Variants in SQOR observed in about 807,000 individuals in gnomAD.
SQOR encodes sulfide quinone oxidoreductase.
A neutral mutation model predicts 48.6 loss-of-function variants in SQOR; 39 were observed. The observed-to-expected ratio is 0.80, with a 90% CI of 0.62 to 1.05. The LOEUF is 1.05. Ranked by LOEUF, SQOR falls within the 50% of genes least tolerant of loss-of-function variation. The probability of loss-of-function intolerance (pLI) is 0.00; values close to 1 mark genes in which losing one functional copy is unlikely to be tolerated. For missense variants in SQOR, 561 were observed against 559.9 expected (o/e 1.00, Z -0.02); for synonymous variants, 220 against 206.2 (o/e 1.07, Z -0.57).
At position 45,691,037 on chromosome 15, in the gene SQOR, C is replaced by T; in HGVS notation, c.*7C>T. The T allele has an allele frequency of 1.2e-6, 2 of 1,613,704 alleles. No individual in the cohort carries two copies. Among genetic ancestry groups the T allele is most frequent in the Non-Finnish European group, 8.5e-7 (1 of 1,179,602 alleles). The stretch of plus-strand genomic sequence containing the variant: ...TCATCTAGGTATGAGTTAAGGATGG[C>T]TCAGCACTTGCTCATCTTGGATGGC... On this transcript the variant is annotated 3_prime_UTR_variant, in exon 10 of 10. Coordinates refer to ENST00000260324, the MANE Select transcript of SQOR (RefSeq NM_021199.4).
chr15:45,664,544 A>T (rs1263325927), intron 3 of SQOR, among the ~76,000 whole-genome samples: 1 of 151,990 alleles, frequency 6.6e-6, no homozygotes, highest in Non-Finnish European at 1.5e-5. Flanking sequence ...TTAGTGCCCC[A>T]TGAAAGAGGT....
chr15:45,652,058 G>A (rs1205945233), intron 1 of SQOR, among the ~76,000 whole-genome samples: 2 of 151,642 alleles, frequency 1.3e-5, no homozygotes, highest in Non-Finnish European at 2.9e-5. Flanking sequence ...ATTTTTAGTA[G>A]ACAGGGGGTT....
At chr15:45,683,010 G>C (rs1014722823) in intron 7 of SQOR, among the ~76,000 whole-genome samples, 16 of 138,128 alleles carry the variant, frequency 1.2e-4, no homozygotes, top group Non-Finnish European at 2.3e-4. Context: ...CTGGGTGACA[G>C]AGCAAGGCTT....
At chr15:45,690,586 C>T (rs986175627) in intron 9 of SQOR, among the ~76,000 whole-genome samples, 3 of 152,160 alleles carry the variant, frequency 2.0e-5, no homozygotes, top group Admixed American at 6.6e-5. Flanking sequence ...TACTGCTAAA[C>T]GTCCTATAAT....
intron 1 of SQOR, among the ~76,000 whole-genome samples, chr15:45,639,351 T>A (rs1299962652): frequency 6.6e-6 from 1 of 152,258 alleles, no homozygotes; most frequent in African/African-American, 2.4e-5. Flanking sequence ...TTTGTAAATG[T>A]ATGGTGGGTG....
intron 1 of SQOR, among the ~76,000 whole-genome samples, chr15:45,642,057 T>C (rs1354455634): frequency 6.6e-6 from 1 of 152,234 alleles, no homozygotes; most frequent in Non-Finnish European, 1.5e-5. Context: ...CATCACTGGC[T>C]GTGCAGTGCC....
intron 1 of SQOR, among the ~76,000 whole-genome samples, chr15:45,658,587 C>T (rs759421468): frequency 5.9e-5 from 9 of 152,158 alleles, no homozygotes; most frequent in Non-Finnish European, 8.8e-5. Flanking sequence ...TGCCCTAGAT[C>T]TTACGGATGG....
chr15:45,686,372 G>C (rs1316775098), intron 7 of SQOR, among the ~76,000 whole-genome samples: 1 of 151,930 alleles, frequency 6.6e-6, no homozygotes, highest in Non-Finnish European at 1.5e-5. Context: ...GGCTGTTCTT[G>C]AACTCCTGAA....
chr15:45,652,957 T>G (rs1487849903), intron 1 of SQOR, among the ~76,000 whole-genome samples: 1 of 150,464 alleles, frequency 6.6e-6, no homozygotes, highest in Non-Finnish European at 1.5e-5. Context: ...AGATTCCGCC[T>G]CAAAAAAAAA....
chr15:45,651,303 G>A (rs1008982693), intron 1 of SQOR, among the ~76,000 whole-genome samples: 5 of 152,202 alleles, frequency 3.3e-5, no homozygotes, highest in South Asian at 2.1e-4. Flanking sequence ...CTCCAAGTGC[G>A]GGGCCTGCTG....
chr15:45,649,933 C>T (rs1308941752), intron 1 of SQOR, among the ~76,000 whole-genome samples: 2 of 152,036 alleles, frequency 1.3e-5, no homozygotes, highest in Non-Finnish European at 2.9e-5. Flanking sequence ...ACCTCTGCCT[C>T]CCGGGTTCAA....
intron 4 of SQOR, among the ~76,000 whole-genome samples, chr15:45,670,856 G>T (rs920741656): frequency 6.6e-6 from 1 of 152,138 alleles, no homozygotes; most frequent in African/African-American, 2.4e-5. Context: ...GCCATGGGTC[G>T]TGAGTCTGTT....
At chr15:45,647,523 C>T (rs1483179273) in intron 1 of SQOR, among the ~76,000 whole-genome samples, 5 of 151,774 alleles carry the variant, frequency 3.3e-5, no homozygotes, top group African/African-American at 7.2e-5. Context: ...GATGGGGTTT[C>T]GCCCTGTTGC....
At chr15:45,644,067 C>A (rs961434946) in intron 1 of SQOR, among the ~76,000 whole-genome samples, 1 of 152,036 alleles carries the variant, frequency 6.6e-6, no homozygotes, top group Non-Finnish European at 1.5e-5. Context: ...ATTTTAGAGA[C>A]GGCATAGAGA....
At chr15:45,673,196 T>G (rs1424497271) in intron 4 of SQOR, among the ~76,000 whole-genome samples, 2 of 152,226 alleles carry the variant, frequency 1.3e-5, no homozygotes, top group African/African-American at 4.8e-5. Flanking sequence ...GAGTTTGGTC[T>G]GGTACAACCT....
Position 45,661,952 on chromosome 15 carries a change from C to T in SQOR, c.235-3C>T. The T allele has an allele frequency of 6.2e-7, 1 of 1,613,408 alleles. No homozygotes were observed. Among genetic ancestry groups the T allele is most frequent in the South Asian group, 1.1e-5 (1 of 90,966 alleles). On this transcript the variant is annotated splice_polypyrimidine_tract_variant and splice_region_variant and intron_variant, in intron 2 of 9. Coordinates refer to ENST00000260324, the MANE Select transcript of SQOR (RefSeq NM_021199.4). ...ATAAATCTTCAAATACTTTGTTTCT[C>T]AGAGACATTTCTACCAGCCAATCTG...
At chr15:45,666,206 AT>A (rs1889813934) in intron 3 of SQOR, among the ~76,000 whole-genome samples, 1 of 152,186 alleles carries the variant, frequency 6.6e-6, no homozygotes, top group Non-Finnish European at 1.5e-5. Flanking sequence ...TAGCTTCGAT[AT>A]GACTCCTTCA....
chr15:45,680,727 A>G (rs1034453507), intron 6 of SQOR, among the ~76,000 whole-genome samples: 5 of 152,178 alleles, frequency 3.3e-5, no homozygotes, highest in African/African-American at 7.2e-5. Flanking sequence ...TTAATTTCTA[A>G]TAAATCCATA....
At chr15:45,680,707 C>T (rs571554130) in intron 6 of SQOR, among the ~76,000 whole-genome samples, 3 of 152,282 alleles carry the variant, frequency 2.0e-5, no homozygotes, top group African/African-American at 7.2e-5. Flanking sequence ...TGAGCCACTG[C>T]ACCTGGCCAT....
Sources: gnomAD v4.1 joint callset for allele counts (sites outside exome capture counted in the v4.1 genomes callset) on GRCh38, gnomAD v4.1.1 for gene constraint, MANE v1.5 for transcripts, NCBI Gene and HGNC (gene_info 2026-07-23, HGNC 2026-07-21) for gene names.